The following TNRC6B variants were observed in gnomAD, a reference collection of about 807,000 sequenced individuals.
TNRC6B encodes the protein trinucleotide repeat containing adaptor 6B.
In TNRC6B, 52 loss-of-function variants were observed where a neutral mutation model predicts 203.6. The ratio of observed to expected loss-of-function variants is 0.26; its 90% CI spans 0.20 to 0.32. The LOEUF (loss-of-function observed/expected upper bound fraction) is 0.32, where lower values mean the gene tolerates loss of function less well. Among genes scored for constraint, TNRC6B ranks in the 10% least tolerant of loss-of-function variants. TNRC6B has a pLI of 1.00. For missense variants in TNRC6B, 1,923 were observed against 2,286.2 expected, an observed-to-expected ratio of 0.84 and a Z score of 3.24; for synonymous variants, 838 against 845.7, an observed-to-expected ratio of 0.99 and a Z score of 0.16.
intron 1 of TNRC6B, among the ~76,000 whole-genome samples, chr22:40,111,209 C>G (rs1322746895): frequency 1.3e-5 from 2 of 152,202 alleles, no homozygotes; most frequent in Non-Finnish European, 2.9e-5. Flanking sequence ...ACAGCACGTT[C>G]AACGGCACGC....
At chr22:40,083,411 A>G (rs975438095) in intron 1 of TNRC6B, among the ~76,000 whole-genome samples, 6 of 152,214 alleles carry the variant, frequency 3.9e-5, no homozygotes, top group African/African-American at 7.2e-5. Context: ...ATAGGGGCAG[A>G]AGTCATGTCG....
chr22:40,130,510 G>T (rs192913365), intron 3 of TNRC6B, among the ~76,000 whole-genome samples: 4 of 152,160 alleles, frequency 2.6e-5, no homozygotes, highest in Admixed American at 2.0e-4. Flanking sequence ...GGCCGGGCGC[G>T]GTGGCTCACG....
At chr22:40,062,496 A>C (rs1028467048) in intron 1 of TNRC6B, among the ~76,000 whole-genome samples, 2 of 152,228 alleles carry the variant, frequency 1.3e-5, no homozygotes, top group African/African-American at 2.4e-5. Flanking sequence ...GGTGTGAGCC[A>C]CTGCCCCTGG....
intron 7 of TNRC6B, among the ~76,000 whole-genome samples, 178 bp downstream of exon 7, chr22:40,273,778 A>G (rs949126475): frequency 2.0e-5 from 3 of 152,064 alleles, no homozygotes; most frequent in African/African-American, 7.2e-5. Context: ...CTCCCACCTC[A>G]GCCTTCTTAG....
At chr22:40,187,383 A>G (rs1257983145) in intron 1 of TNRC6B, among the ~76,000 whole-genome samples, 1 of 152,214 alleles carries the variant, frequency 6.6e-6, no homozygotes, top group Non-Finnish European at 1.5e-5. Flanking sequence ...GAAAATACAC[A>G]GATTCCAAAA....
chr22:40,295,214 G>C (rs1370802406), intron 12 of TNRC6B, among the ~76,000 whole-genome samples: 1 of 152,158 alleles, frequency 6.6e-6, no homozygotes, highest in African/African-American at 2.4e-5. Context: ...GGTGGCTCAC[G>C]CCTGTAATCC....
chr22:40,061,273 G>C (rs2067848643), intron 1 of TNRC6B, among the ~76,000 whole-genome samples: 1 of 152,134 alleles, frequency 6.6e-6, no homozygotes, highest in African/African-American at 2.4e-5. Flanking sequence ...GGAGTGCAAT[G>C]GTGTGATCTT....
At chr22:40,200,051 G>A (rs1258555738) in intron 1 of TNRC6B, among the ~76,000 whole-genome samples, 1 of 151,712 alleles carries the variant, frequency 6.6e-6, no homozygotes, top group Non-Finnish European at 1.5e-5. Flanking sequence ...CGCCCGACTC[G>A]GCCTCTCAAA....
At chr22:40,214,118 C>T (rs2069600684) in intron 1 of TNRC6B, among the ~76,000 whole-genome samples, 1 of 151,856 alleles carries the variant, frequency 6.6e-6, no homozygotes, top group South Asian at 2.1e-4. Context: ...AATATAAAAA[C>T]TAGCCGGGCG....
chr22:40,285,364 A>G (rs749153772), intron 11 of TNRC6B, among the ~76,000 whole-genome samples: 5 of 152,232 alleles, frequency 3.3e-5, no homozygotes, highest in Non-Finnish European at 5.9e-5. Context: ...TATGTTGCCT[A>G]TATCTTTGGT....
intron 1 of TNRC6B, among the ~76,000 whole-genome samples, chr22:40,184,129 GAAAAT>G (rs2069172514): frequency 1.3e-5 from 2 of 152,172 alleles, no homozygotes; most frequent in African/African-American, 2.4e-5. Context: ...AAAAAACTTA[GAAAAT>G]GATCTGTTTA....
chr22:40,202,206 A>C (rs182145047), intron 1 of TNRC6B, among the ~76,000 whole-genome samples: 87 of 148,748 alleles, frequency 5.8e-4, no homozygotes, highest in African/African-American at 2.1e-3. Flanking sequence ...TGCTTGAAAA[A>C]CCAGAATAGG....
intron 3 of TNRC6B, among the ~76,000 whole-genome samples, chr22:40,151,512 C>T (rs1414990932): frequency 1.4e-5 from 2 of 147,526 alleles, no homozygotes; most frequent in Admixed American, 6.9e-5. Flanking sequence ...TACACTTCAG[C>T]CTGGGCGACA....
intron 1 of TNRC6B, among the ~76,000 whole-genome samples, chr22:40,199,299 T>C (rs141648610): frequency 1.5e-3 from 229 of 152,250 alleles, no homozygotes; most frequent in Non-Finnish European, 2.4e-3. Context: ...TCAAAAATAC[T>C]TAATGATTAC....
chr22:40,216,642 C>G (rs1338743415), intron 1 of TNRC6B, among the ~76,000 whole-genome samples: 1 of 152,096 alleles, frequency 6.6e-6, no homozygotes, highest in Non-Finnish European at 1.5e-5. Flanking sequence ...AAAAACGCAA[C>G]ACCTCTATAT....
At chr22:40,163,090 G>C (rs1176388050) in intron 4 of TNRC6B, among the ~76,000 whole-genome samples, 4 of 151,852 alleles carry the variant, frequency 2.6e-5, no homozygotes, top group Non-Finnish European at 5.9e-5. Flanking sequence ...ATTTTTCTTG[G>C]ATGCCTGGAC....
intron 7 of TNRC6B, among the ~76,000 whole-genome samples, chr22:40,274,891 G>C (rs1355244274): frequency 6.6e-6 from 1 of 152,074 alleles, no homozygotes; most frequent in African/African-American, 2.4e-5. Flanking sequence ...TTCAATTCCA[G>C]ATTTTCGTTT....
At chr22:40,156,060 G>C in intron 3 of TNRC6B, 1 of 1,515,634 alleles carries the variant, frequency 6.6e-7, no homozygotes, top group Non-Finnish European at 9.0e-7. Context: ...GGTTCTTGGA[G>C]TGAGTCGCAT....
At chr22:40,239,583 G>T (rs984049007) in intron 1 of TNRC6B, among the ~76,000 whole-genome samples, 2 of 152,166 alleles carry the variant, frequency 1.3e-5, no homozygotes, top group African/African-American at 4.8e-5. Context: ...GTTTTTGTCA[G>T]GCGTGCAGAA....
Sources: gnomAD v4.1 joint callset for allele counts (sites outside exome capture counted in the v4.1 genomes callset) on GRCh38, gnomAD v4.1.1 for gene constraint, MANE v1.5 for transcripts, NCBI Gene and HGNC (gene_info 2026-07-23, HGNC 2026-07-21) for gene names.